EFCAB14: variants seen among roughly 807,000 people sequenced by gnomAD.
EFCAB14 encodes EF-hand calcium binding domain 14.
EFCAB14 carries 43 observed loss-of-function variants against 56.5 expected under a neutral mutation model. That is an observed-to-expected ratio of 0.76 (90% CI 0.60 to 0.98). The LOEUF is 0.98. Ranked by LOEUF, EFCAB14 falls within the 50% of genes least tolerant of loss-of-function variation. EFCAB14 has a pLI of 0.00. For synonymous variants in EFCAB14, 235 were observed against 212.9 expected, an observed-to-expected ratio of 1.10 and a Z score of -0.90; for missense variants, 538 against 580.3, an observed-to-expected ratio of 0.93 and a Z score of 0.75.
Position 46,675,583 on chromosome 1 carries a change from G to C in EFCAB14, c.*2878C>G, listed in dbSNP as rs193032673. 3.0e-3 allele frequency: 452 copies of C among 152,690 alleles called. 3 individuals carry two copies. The highest frequency in any genetic ancestry group is 9.6e-4 in the East Asian group (5 of 5,190). 9.5% of individuals were successfully genotyped at this position (152,690 alleles called of 1,614,324 possible). A position where few individuals can be genotyped will look rare whatever the true frequency, so the allele number is the denominator to read the frequency against. ...AACTGTGACCGGCAGGACCAGCAAG[G>C]GGGGGTGTTGAAGGGGTTATGAACA... On this transcript the variant is annotated 3_prime_UTR_variant, in exon 11 of 11. Coordinates refer to ENST00000371933, the MANE Select transcript of EFCAB14 (RefSeq NM_014774.3).
In EFCAB14 at chr1:46,675,886, T is replaced by C. The variant is rs560205331; in HGVS notation, c.*2575A>G. 1.4e-3 allele frequency: 208 copies of C among 152,348 alleles called. No homozygotes were observed. Among genetic ancestry groups the C allele is most frequent in the African/African-American group, 4.8e-3 (199 of 41,574 alleles). 9.4% of individuals were successfully genotyped at this position (152,348 alleles called of 1,614,324 possible). ...AAAGAAAACAAGGACCAAGAAGCAG[T>C]GCTTTGAGTAACTTAGGAAAGCAGC... On this transcript the variant is annotated 3_prime_UTR_variant, in exon 11 of 11. Transcript: ENST00000371933.
intron 3 of EFCAB14, among the ~76,000 whole-genome samples, chr1:46,703,726 T>C (rs953587953): frequency 1.3e-5 from 2 of 152,130 alleles, no homozygotes; most frequent in Non-Finnish European, 2.9e-5. Flanking sequence ...AAAAAGACAC[T>C]GTTTACAGTA....
At chr1:46,695,259 A>G (rs1677062249) in intron 4 of EFCAB14, among the ~76,000 whole-genome samples, 1 of 152,184 alleles carries the variant, frequency 6.6e-6, no homozygotes, top group South Asian at 2.1e-4. Context: ...CTAATGCAAG[A>G]CTGTGAGAGC....
chr1:46,686,786 T>C lies in EFCAB14; in HGVS notation c.1072A>G (p.Lys358Glu). ...RTDTVKIQSI[K>E]KEDSSNSQVS... is the part of the protein sequence containing the mutation. ...AGGGTAAGCCTCCCATTATTTACCT[T>C]TATGCTTTGGATTTTTACTGTATCT... Residue 358 changes from lysine to glutamate, a missense_variant and splice_region_variant, in exon 8 of 11, where the codon AAG becomes GAG. Coordinates refer to ENST00000371933, the MANE Select transcript of EFCAB14 (RefSeq NM_014774.3). The C allele has an allele frequency of 1.2e-6, 2 of 1,613,658 alleles. No homozygotes were observed. The highest frequency in any genetic ancestry group is 1.7e-6 in the Non-Finnish European group (2 of 1,179,750).
At position 46,686,879 on chromosome 1, in the gene EFCAB14, G is replaced by A. The variant is rs368244329; in HGVS notation, c.988-9C>T. The A allele has an allele frequency of 5.3e-5, 86 of 1,612,574 alleles. No individual in the cohort carries two copies. The highest frequency in any genetic ancestry group is 7.0e-5 in the Non-Finnish European group (82 of 1,179,216). On this transcript the variant is annotated splice_polypyrimidine_tract_variant and intron_variant, in intron 7 of 10. Transcript: ENST00000371933. Reference sequence around the variant, plus strand: ...GCAGATCTATCACCCATCTTAAAGGGCAAAACAAAAACAAACAAACAAAGG... The same window carrying A: ...GCAGATCTATCACCCATCTTAAAGGACAAAACAAAAACAAACAAACAAAGG...
intron 3 of EFCAB14, among the ~76,000 whole-genome samples, chr1:46,706,490 C>A (rs1837567): frequency 9.2e-5 from 14 of 152,278 alleles, no homozygotes; most frequent in Non-Finnish European, 8.8e-5. Context: ...AAATAGATAG[C>A]TGACTTTGCC....
Position 46,684,546 on chromosome 1 carries a change from G to T in EFCAB14, c.1131C>A (p.Ile377=). 6.2e-7 allele frequency: 1 copy of T among 1,614,086 alleles called. No homozygotes were observed. Among genetic ancestry groups the T allele is most frequent in the East Asian group, 2.2e-5 (1 of 44,888 alleles). ...TCTCAGGTTTGTTTGTAAGAGCACTGATCAGCTGGAGTTTCTCTCTTAGCT... is the reference window on the plus strand; with the variant it reads ...TCTCAGGTTTGTTTGTAAGAGCACTTATCAGCTGGAGTTTCTCTCTTAGCT... ...VSKLREKLQL[I]SALTNKPESN... is the part of the protein sequence containing the mutation. The change falls in exon 9 of 11, where the codon ATC becomes ATA. Residue 377 remains isoleucine, a synonymous_variant. Coordinates refer to ENST00000371933, the MANE Select transcript of EFCAB14 (RefSeq NM_014774.3).
At chr1:46,679,345 C>T (rs931765753) in intron 10 of EFCAB14, among the ~76,000 whole-genome samples, 3 of 152,120 alleles carry the variant, frequency 2.0e-5, no homozygotes, top group South Asian at 2.1e-4. Context: ...CTGTCGCCCA[C>T]GCTGGAGTGC....
At chr1:46,701,500 T>A (rs1336304804) in intron 3 of EFCAB14, among the ~76,000 whole-genome samples, 3 of 152,220 alleles carry the variant, frequency 2.0e-5, no homozygotes. Context: ...AAAACTCTTC[T>A]TCCAGGTACT....
At chr1:46,681,001 C>A (rs1443629183) in intron 10 of EFCAB14, among the ~76,000 whole-genome samples, 1 of 151,074 alleles carries the variant, frequency 6.6e-6, no homozygotes, top group African/African-American at 2.4e-5. Flanking sequence ...GACAGGGTCT[C>A]CCTCTGTCAC....
intron 2 of EFCAB14, among the ~76,000 whole-genome samples, chr1:46,714,156 G>A (rs997715513): frequency 2.6e-5 from 4 of 152,084 alleles, no homozygotes; most frequent in Non-Finnish European, 5.9e-5. Flanking sequence ...CAAAACTTGA[G>A]TAACTGTAGG....
At position 46,718,047 on chromosome 1, in the gene EFCAB14, G is replaced by A; in HGVS notation, c.41C>T (p.Ala14Val). ...RKELNALIGL[A>V]GDSRRKKPKK... Reference sequence around the variant, plus strand: ...GGGCTTCTTTCTCCGGCTGTCCCCAGCCAAACCAATCAATGCATTGAGCTC... The same window carrying A: ...GGGCTTCTTTCTCCGGCTGTCCCCAACCAAACCAATCAATGCATTGAGCTC... The change falls in exon 1 of 11, where the codon GCT (alanine) becomes GTT (valine). Residue 14 changes from alanine (A) to valine (V), a missense_variant. Ala to Val is a moderately conservative substitution (Grantham distance 64, BLOSUM62 0). Coordinates refer to ENST00000371933, the MANE Select transcript of EFCAB14 (RefSeq NM_014774.3). 6.2e-7 allele frequency: 1 copy of A among 1,614,218 alleles called. No homozygotes were observed. The highest frequency in any genetic ancestry group is 2.2e-5 in the East Asian group (1 of 44,882).
intron 2 of EFCAB14, among the ~76,000 whole-genome samples, chr1:46,711,565 T>C (rs868137815): frequency 7.3e-6 from 1 of 136,240 alleles, no homozygotes; most frequent in African/African-American, 3.1e-5. Flanking sequence ...ACAAGTCAAG[T>C]AGAGGTACTT....
intron 2 of EFCAB14, among the ~76,000 whole-genome samples, chr1:46,716,030 C>T (rs1677383149): frequency 6.6e-6 from 1 of 151,466 alleles, no homozygotes; most frequent in African/African-American, 2.4e-5. Flanking sequence ...GGTGGACCAC[C>T]TGAGGTCAGT....
rs189728235 is a variant in EFCAB14 at position 46,708,490 on chromosome 1, C to T, written c.335-439G>A. On this transcript the variant is annotated intron_variant, in intron 2 of 10. Transcript: ENST00000371933. ...ATAGATGATAAATGCTAAGTACTGA[C>T]CAGCTCAATTAAGGAGCTTTTAGAT... Among the ~76,000 whole-genome samples the T allele has an allele frequency of 4.8e-3, 737 of 152,276 alleles. 1 individual carries two copies. The highest frequency in any genetic ancestry group is 6.5e-3 in the Admixed American group (100 of 15,286).
chr1:46,689,985 C>T (rs1208295826), intron 5 of EFCAB14, among the ~76,000 whole-genome samples: 2 of 152,144 alleles, frequency 1.3e-5, no homozygotes, highest in Non-Finnish European at 2.9e-5. Flanking sequence ...TCTCCTTTGC[C>T]CCATTGCCTG....
At chr1:46,684,406 T>C in intron 9 of EFCAB14, 85 bp downstream of exon 9, 1 of 1,100,974 alleles carries the variant, frequency 9.1e-7, no homozygotes, top group East Asian at 2.4e-5. Flanking sequence ...CGATCAGTAC[T>C]GCTGGAACAC....
chr1:46,701,891 TTC>T (rs1434149407), intron 3 of EFCAB14, among the ~76,000 whole-genome samples: 1 of 152,240 alleles, frequency 6.6e-6, no homozygotes, highest in African/African-American at 2.4e-5. Context: ...CTTCTAGCAT[TTC>T]TCTCTTCAGT....
In EFCAB14 at chr1:46,717,953, G is replaced by A; in HGVS notation, c.135C>T (p.Ser45=). The A allele has an allele frequency of 1.2e-6, 2 of 1,614,140 alleles. No homozygotes were observed. The highest frequency in any genetic ancestry group is 8.5e-7 in the Non-Finnish European group (1 of 1,180,032). The change falls in exon 1 of 11, where the codon TCC becomes TCT. Residue 45 remains serine, a synonymous_variant. Transcript: ENST00000371933. The stretch of plus-strand genomic sequence containing the variant: ...CCACACCGAATTCCTCTTCCTCTTC[G>A]GAGCTGGACTCAGAGTCTGAGTCGG... ...EPPDSDSESS[S]EEEEEFGVVG...
Sources: allele counts gnomAD v4.1 joint callset (sites outside exome capture counted in the v4.1 genomes callset), GRCh38; gene constraint gnomAD v4.1.1; transcripts MANE v1.5; gene names NCBI Gene and HGNC (gene_info 2026-07-23, HGNC 2026-07-21).